Variants in APCDD1 observed in about 807,000 individuals in gnomAD.
The protein encoded by APCDD1 is APC down-regulated 1.
In APCDD1, 15 loss-of-function variants were observed where a neutral mutation model predicts 38.1. The observed-to-expected ratio is 0.39, with a 90% CI of 0.26 to 0.61. The LOEUF (loss-of-function observed/expected upper bound fraction) is 0.61. APCDD1 is among the 20% of genes least tolerant of loss of function. APCDD1 has a pLI of 0.49. For missense variants in APCDD1, 647 were observed against 696.2 expected, an observed-to-expected ratio of 0.93 and a Z score of 0.79; for synonymous variants, 261 against 279.7, an observed-to-expected ratio of 0.93 and a Z score of 0.67.
intron 1 of APCDD1, among the ~76,000 whole-genome samples, chr18:10,455,601 A>G (rs2030360126): frequency 6.6e-6 from 1 of 152,004 alleles, no homozygotes; most frequent in Non-Finnish European, 1.5e-5. Context: ...TCCCAAGTGG[A>G]CTGTTGCGTT....
chr18:10,458,945 G>T (rs921996998), intron 1 of APCDD1, among the ~76,000 whole-genome samples: 1 of 152,202 alleles, frequency 6.6e-6, no homozygotes, highest in Non-Finnish European at 1.5e-5. Flanking sequence ...CCATTGCTTA[G>T]TCCTCTCCAG....
rs982512077 is a variant in APCDD1 at position 10,468,566 on chromosome 18, C to T, written c.156C>T (p.Cys52=). Reference sequence around the variant, plus strand: ...GGAGGGCTTTTAAGGAGTCACAGTGCCATCACATGCTCAAACATCTCCACA... The same window carrying T: ...GGAGGGCTTTTAAGGAGTCACAGTGTCATCACATGCTCAAACATCTCCACA... ...SAWRAFKESQ[C]HHMLKHLHNG... Residue 52 remains cysteine, a synonymous_variant, in exon 2 of 5, where the codon TGC becomes TGT. Coordinates refer to ENST00000355285, the MANE Select transcript of APCDD1 (RefSeq NM_153000.5). 19 of 1,613,994 alleles carry T rather than the reference C, an allele frequency of 1.2e-5. No individual in the cohort carries two copies. Among genetic ancestry groups the T allele is most frequent in the Non-Finnish European group, 1.5e-5 (18 of 1,180,052 alleles).
At position 10,455,025 on chromosome 18, in the gene APCDD1, C is replaced by A. The variant is rs868835621; in HGVS notation, c.44C>A (p.Ala15Asp). ...CTCCTGCTCAGATACCTGTTCCCGG[C>A]CCTCCTGCTTCACGGTGAGTTCCCG... Reference protein sequence around the residue: ...RRLLLRYLFPALLLHGLGEGS... With the variant: ...RRLLLRYLFPDLLLHGLGEGS... The change falls in exon 1 of 5, where the codon GCC becomes GAC. Residue 15 changes from alanine to aspartate, a missense_variant. Coordinates refer to ENST00000355285, the MANE Select transcript of APCDD1 (RefSeq NM_153000.5). 6.4e-7 allele frequency: 1 copy of A among 1,565,236 alleles called. No homozygotes were observed. Among genetic ancestry groups the A allele is most frequent in the African/African-American group, 1.4e-5 (1 of 73,642 alleles).
chr18:10,483,796 T>A (rs1598400708), intron 3 of APCDD1, among the ~76,000 whole-genome samples: 1 of 152,234 alleles, frequency 6.6e-6, no homozygotes, highest in Non-Finnish European at 1.5e-5. Context: ...AGCTACCAAC[T>A]TCTACCTCCC....
chr18:10,474,728 C>G (rs2030950962), intron 3 of APCDD1, among the ~76,000 whole-genome samples: 1 of 152,214 alleles, frequency 6.6e-6, no homozygotes, highest in African/African-American at 2.4e-5. Flanking sequence ...AAAGCCCAGT[C>G]AGCATTGTTA....
At chr18:10,474,555 T>G (rs1437226557) in intron 3 of APCDD1, among the ~76,000 whole-genome samples, 2 of 152,348 alleles carry the variant, frequency 1.3e-5, no homozygotes, top group Admixed American at 1.3e-4. Flanking sequence ...TTGCACCCAC[T>G]CAGGTTCTGG....
Position 10,471,195 on chromosome 18 carries a change from G to A in APCDD1, c.243-335G>A, listed in dbSNP as rs1172950605. Among the ~76,000 whole-genome samples, 2 of 152,260 alleles carry A rather than the reference G, an allele frequency of 1.3e-5. No homozygotes were observed. Among genetic ancestry groups the A allele is most frequent in the South Asian group, 4.1e-4 (2 of 4,832 alleles). ...TGCCCTCCTGGCCTGCTCGTGAAGCGAGTGGAAGGCTGGCTGAGGCAGAGT... is the reference window on the plus strand; with the variant it reads ...TGCCCTCCTGGCCTGCTCGTGAAGCAAGTGGAAGGCTGGCTGAGGCAGAGT... On this transcript the variant is annotated intron_variant, in intron 2 of 4. Transcript: ENST00000355285. This position sits in a 1 kb window ranked among gnomAD's most constrained non-coding sequence, Gnocchi z 5.5.
chr18:10,455,464 A>G (rs570726907), intron 1 of APCDD1, among the ~76,000 whole-genome samples: 1 of 152,186 alleles, frequency 6.6e-6, no homozygotes, highest in South Asian at 2.1e-4. Flanking sequence ...ATGTGTTCCA[A>G]GCGTTTAGGA....
chr18:10,484,822 C>T (rs1346003609), intron 3 of APCDD1, among the ~76,000 whole-genome samples: 2 of 152,130 alleles, frequency 1.3e-5, no homozygotes, highest in African/African-American at 4.8e-5. Context: ...ATCCATCTGT[C>T]AGTGGACACT....
At chr18:10,460,426 G>A (rs185620068) in intron 1 of APCDD1, among the ~76,000 whole-genome samples, 65 of 152,166 alleles carry the variant, frequency 4.3e-4, no homozygotes, top group African/African-American at 1.2e-3. Context: ...CCAGCTTCTC[G>A]GGAGGGTGAG....
In APCDD1 at chr18:10,472,706, C is replaced by T. The variant is rs148743213; in HGVS notation, c.774+645C>T. 3.3e-5 allele frequency among the ~76,000 whole-genome samples: 5 copies of T among 152,348 alleles called. No homozygotes were observed. The East Asian group carries it at 9.6e-4, about 29-fold the overall frequency. On this transcript the variant is annotated intron_variant, in intron 3 of 4. Transcript: ENST00000355285. The surrounding 1 kb of genome is among the most constrained non-coding windows in gnomAD (Gnocchi z 6.6). ...TCCATACCCCACGTTCTTTTCATTT[C>T]ACTAAGGAAAATGTAAAGTCACCAT...
In APCDD1 at chr18:10,467,559, A is replaced by G. The variant is rs1054390504; in HGVS notation, c.59-910A>G. On this transcript the variant is annotated intron_variant, in intron 1 of 4. Transcript: ENST00000355285. This position sits in a 1 kb window ranked among gnomAD's most constrained non-coding sequence, Gnocchi z 4.8. ...AACATTAGGCTGGTGGTAGTTTTGC[A>G]TGGGTAGATTGTGGCCAACCTGCAT... 6.6e-6 allele frequency among the ~76,000 whole-genome samples: 1 copy of G among 152,156 alleles called. No individual in the cohort carries two copies.
In APCDD1 at chr18:10,472,593, C is replaced by T. The variant is rs376885343; in HGVS notation, c.774+532C>T. Among the ~76,000 whole-genome samples the T allele has an allele frequency of 6.1e-4, 93 of 152,266 alleles. 1 individual carries two copies. Among genetic ancestry groups the T allele is most frequent in the African/African-American group, 1.9e-3 (77 of 41,550 alleles). The stretch of plus-strand genomic sequence containing the variant: ...GTCCCGACACTCTTAGGCAGAACAG[C>T]CTGCTGAGGTCCCAGGGGTTATGGC... On this transcript the variant is annotated intron_variant, in intron 3 of 4. Coordinates refer to ENST00000355285, the MANE Select transcript of APCDD1 (RefSeq NM_153000.5). The surrounding 1 kb of genome is among the most constrained non-coding windows in gnomAD (Gnocchi z 6.6).
In APCDD1 at chr18:10,475,648, C is replaced by G. The variant is rs1332747362; in HGVS notation, c.774+3587C>G. Among the ~76,000 whole-genome samples, 1 of 139,976 alleles carries G rather than the reference C, an allele frequency of 7.1e-6. No individual in the cohort carries two copies. The allele number at this position is 139,976 out of a possible 152,430, so 91.8% of individuals were successfully genotyped here. Reference sequence around the variant, plus strand: ...TTCTATTACCTAAGCACAGTCATCACAGAAAATTTAGATTAAAAAAAAAAA... The same window carrying G: ...TTCTATTACCTAAGCACAGTCATCAGAGAAAATTTAGATTAAAAAAAAAAA... On this transcript the variant is annotated intron_variant, in intron 3 of 4. Coordinates refer to ENST00000355285, the MANE Select transcript of APCDD1 (RefSeq NM_153000.5). This position sits in a 1 kb window ranked among gnomAD's most constrained non-coding sequence, Gnocchi z 4.0.
chr18:10,488,053 T>C lies in APCDD1; in HGVS notation c.*15T>C. 6.2e-7 allele frequency: 1 copy of C among 1,612,848 alleles called. No homozygotes were observed. The highest frequency in any genetic ancestry group is 1.3e-5 in the African/African-American group (1 of 75,060). On this transcript the variant is annotated 3_prime_UTR_variant, in exon 5 of 5. Coordinates refer to ENST00000355285, the MANE Select transcript of APCDD1 (RefSeq NM_153000.5). ...TCCGCAGATAGAAGTTTTAGAAAGT[T>C]CTATTTTTCCAAACCAGGATTCCTT...
At position 10,469,069 on chromosome 18, in the gene APCDD1, C is replaced by G. The variant is rs1333494051; in HGVS notation, c.242+417C>G. Among the ~76,000 whole-genome samples the G allele has an allele frequency of 6.6e-6, 1 of 152,200 alleles. No individual in the cohort carries two copies. Among genetic ancestry groups the G allele is most frequent in the Non-Finnish European group, 1.5e-5 (1 of 68,042 alleles). The stretch of plus-strand genomic sequence containing the variant: ...TAATTTAATATATGGCTTCAGGGTT[C>G]TAAGAGTAAGTTAAAAGCTACCTCT... On this transcript the variant is annotated intron_variant, in intron 2 of 4. Coordinates refer to ENST00000355285, the MANE Select transcript of APCDD1 (RefSeq NM_153000.5). The surrounding 1 kb of genome is among the most constrained non-coding windows in gnomAD (Gnocchi z 5.5).
chr18:10,455,442 A>G (rs2030355434), intron 1 of APCDD1, among the ~76,000 whole-genome samples: 1 of 152,222 alleles, frequency 6.6e-6, no homozygotes. Context: ...GCCAGAATGC[A>G]GCAGGCTCTT....
chr18:10,481,391 T>C (rs1389112887), intron 3 of APCDD1, among the ~76,000 whole-genome samples: 25 of 152,060 alleles, frequency 1.6e-4, no homozygotes, highest in Non-Finnish European at 2.9e-5. Context: ...TTTTACAACA[T>C]CGATAAAACT....
intron 1 of APCDD1, among the ~76,000 whole-genome samples, chr18:10,465,492 T>C (rs1177357338): frequency 1.3e-5 from 2 of 152,234 alleles, no homozygotes; most frequent in South Asian, 2.1e-4. Context: ...AGTGGAGTGT[T>C]AATTTGACAT....
Sources: allele counts gnomAD v4.1 joint callset (sites outside exome capture counted in the v4.1 genomes callset), GRCh38; gene constraint gnomAD v4.1.1; non-coding constraint Gnocchi (gnomAD v3.1); transcripts MANE v1.5; gene names NCBI Gene and HGNC (gene_info 2026-07-23, HGNC 2026-07-21).